IQANK1: variants seen among roughly 807,000 people sequenced by gnomAD.
IQANK1 encodes IQ motif and ankyrin repeat containing 1, also known as IQ motif and ankyrin repeat domain-containing protein 1.
In IQANK1, 30 loss-of-function variants were observed where a neutral mutation model predicts 22.6. The ratio of observed to expected loss-of-function variants is 1.33; its 90% CI spans 0.99 to 1.80. The LOEUF is 1.80. Ranked by LOEUF, IQANK1 falls within the 40% of genes most tolerant of loss-of-function variation. IQANK1 has a pLI of 0.00. For synonymous variants in IQANK1, 122 were observed against 99.6 expected (o/e 1.23, Z -1.34); for missense variants, 275 against 235.2 (o/e 1.17, Z -1.11).
In IQANK1 at chr8:143,735,628, A is replaced by T. The variant is rs533604183; in HGVS notation, c.-4-222A>T. ...GGCAAGCCACGGCCAGGGGGACGGG[A>T]GGTGGCCAAGTGCTCTTGCCAGGCA... On this transcript the variant is annotated intron_variant, in intron 1 of 13. Transcript: ENST00000527139. The surrounding 1 kb of genome is among the most constrained non-coding windows in gnomAD (Gnocchi z 5.2). 2.0e-5 allele frequency among the ~76,000 whole-genome samples: 3 copies of T among 152,142 alleles called. No homozygotes were observed. The highest frequency in any genetic ancestry group is 4.4e-5 in the Non-Finnish European group (3 of 67,978).
At chr8:143,742,389 G>GAGCCTTTCCC (rs1554626664) in intron 3 of IQANK1, 5 of 456,000 alleles carry the variant, frequency 1.1e-5, no homozygotes, top group South Asian at 7.7e-5. Flanking sequence ...GTTGGTGTGG[G>GAGCCTTTCCC]AGCCTTTCCC....
intron 7 of IQANK1, among the ~76,000 whole-genome samples, chr8:143,784,274 G>T (rs1819847686): frequency 6.6e-6 from 1 of 152,058 alleles, no homozygotes; most frequent in African/African-American, 2.4e-5. Flanking sequence ...ATTTCCCCAT[G>T]GTCTTCTCAC....
intron 3 of IQANK1, 26 bp downstream of exon 3, chr8:143,739,974 C>A: frequency 1.5e-6 from 1 of 679,538 alleles, no homozygotes; most frequent in Non-Finnish European, 2.7e-6. Context: ...TCCCGCGCCG[C>A]TGTGGGTGAC....
chr8:143,735,748 C>A lies in IQANK1; in HGVS notation c.-4-102C>A, dbSNP rs548771520. Reference sequence around the variant, plus strand: ...GGGGAGCCCATGTTCCTGCTGTCATCCACTCAGGCGCCCATGGTGTGCCCT... The same window carrying A: ...GGGGAGCCCATGTTCCTGCTGTCATACACTCAGGCGCCCATGGTGTGCCCT... On this transcript the variant is annotated intron_variant, in intron 1 of 13. Coordinates refer to ENST00000527139, the MANE Select transcript of IQANK1 (RefSeq NM_001381874.1). This position sits in a 1 kb window ranked among gnomAD's most constrained non-coding sequence, Gnocchi z 5.2. 3.0e-6 allele frequency: 2 copies of A among 658,604 alleles called. No homozygotes were observed. Among genetic ancestry groups the A allele is most frequent in the African/African-American group, 1.8e-5 (1 of 56,536 alleles). 40.8% of individuals were successfully genotyped at this position (658,604 alleles called of 1,614,324 possible).
chr8:143,783,767 G>A (rs1307717143), intron 7 of IQANK1, among the ~76,000 whole-genome samples: 4 of 152,178 alleles, frequency 2.6e-5, no homozygotes, highest in Non-Finnish European at 5.9e-5. Flanking sequence ...GCAAGGTCAT[G>A]TTCAAGCTTG....
At chr8:143,754,109 G>C (rs140660492) in intron 3 of IQANK1, among the ~76,000 whole-genome samples, 393 of 152,130 alleles carry the variant, frequency 2.6e-3, no homozygotes, top group Non-Finnish European at 4.6e-3. Flanking sequence ...CTCCTAAGAA[G>C]AGAAAAAGAG....
intron 3 of IQANK1, among the ~76,000 whole-genome samples, chr8:143,764,627 G>GA (rs1447337509): frequency 8.6e-5 from 13 of 151,762 alleles, no homozygotes; most frequent in Admixed American, 2.6e-4. Flanking sequence ...AAACAAAACT[G>GA]AAAAAAGAAA....
chr8:143,755,234 G>T (rs184100575), intron 3 of IQANK1, among the ~76,000 whole-genome samples: 1 of 152,148 alleles, frequency 6.6e-6, no homozygotes, highest in Admixed American at 6.5e-5. Flanking sequence ...ATTCTATCAC[G>T]CCAGCTCCTC....
At chr8:143,755,319 G>C (rs541431978) in intron 3 of IQANK1, among the ~76,000 whole-genome samples, 1 of 152,088 alleles carries the variant, frequency 6.6e-6, no homozygotes, top group African/African-American at 2.4e-5. Context: ...TCCTTAGTCC[G>C]CATCAATGTT....
rs1554631811 is a variant in IQANK1, at chr8:143,789,174, A to T, written c.939-15A>T. 1 of 399,748 alleles carries T rather than the reference A, an allele frequency of 2.5e-6. No individual in the cohort carries two copies. The highest frequency in any genetic ancestry group is 3.6e-5 in the East Asian group (1 of 28,102). The allele number at this position is 399,748 out of a possible 1,614,324, so 24.8% of individuals were successfully genotyped here. On this transcript the variant is annotated splice_polypyrimidine_tract_variant and intron_variant, in intron 8 of 13. Coordinates refer to ENST00000527139, the MANE Select transcript of IQANK1 (RefSeq NM_001381874.1). ...CTGGCGGAAGCCTCTGTCCCAGCTC[A>T]TTCCTGCTCCTTAGTATGACCCTCA...
intron 3 of IQANK1, among the ~76,000 whole-genome samples, chr8:143,768,302 C>T (rs987669231): frequency 9.9e-5 from 15 of 152,046 alleles, no homozygotes; most frequent in African/African-American, 3.4e-4. Context: ...ACGTTGCCCT[C>T]GATCACTTAG....
intron 3 of IQANK1, among the ~76,000 whole-genome samples, chr8:143,756,791 C>T (rs1819300259): frequency 6.7e-6 from 1 of 148,904 alleles, no homozygotes; most frequent in South Asian, 2.1e-4. Flanking sequence ...CACAGTGAAA[C>T]AGTGTCTCTA....
intron 3 of IQANK1, among the ~76,000 whole-genome samples, chr8:143,766,255 C>A (rs537982713): frequency 6.6e-6 from 1 of 152,130 alleles, no homozygotes; most frequent in Admixed American, 6.5e-5. Context: ...TTTTTTCTTA[C>A]GGCTTTGTAG....
At chr8:143,752,996 G>GGTTTTTTT (rs368071885) in intron 3 of IQANK1, among the ~76,000 whole-genome samples, 2 of 69,938 alleles carry the variant, frequency 2.9e-5, no homozygotes, top group African/African-American at 1.2e-4. Context: ...CTCTCTGTTC[G>GGTTTTTTT]TTTTTTTTTT....
rs550028607 is a variant in IQANK1, at chr8:143,785,339, C to T, written c.790-3576C>T. On this transcript the variant is annotated intron_variant, in intron 7 of 13. Transcript: ENST00000527139. ...TGGCATGATCTCAGCTCACTGCAAC[C>T]TCTGCCTCCCAGGTTCAAGCGATTC... Among the ~76,000 whole-genome samples, 5 of 148,970 alleles carry T rather than the reference C, an allele frequency of 3.4e-5. No individual in the cohort carries two copies. The Admixed American group carries it at 3.4e-4, about 10-fold the overall frequency.
rs1415958797 is a variant in IQANK1, at chr8:143,735,929, G to A, written c.76G>A (p.Ala26Thr). ...GCTCCACCCTGGGCCCAAGACAAGA[G>A]CTGCTGCTGGTAAGTGCACCCTCTG... ...QTLHPGPKTR[A>T]AAGKPGENRP... Residue 26 changes from alanine to threonine, a missense_variant, in exon 2 of 14, where the codon GCT becomes ACT. Physicochemically the swap from Ala to Thr is moderately conservative, Grantham distance 58. Coordinates refer to ENST00000527139, the MANE Select transcript of IQANK1 (RefSeq NM_001381874.1). The surrounding 1 kb of genome is among the most constrained non-coding windows in gnomAD (Gnocchi z 5.2). The A allele has an allele frequency of 5.7e-6, 4 of 702,578 alleles. No homozygotes were observed. The African/African-American group carries it at 7.0e-5, about 12-fold the overall frequency. 43.5% of individuals were successfully genotyped at this position (702,578 alleles called of 1,614,324 possible).
chr8:143,741,317 C>T (rs1298992344), intron 3 of IQANK1, among the ~76,000 whole-genome samples: 1 of 152,168 alleles, frequency 6.6e-6, no homozygotes, highest in Non-Finnish European at 1.5e-5. Flanking sequence ...TCGAGGGAAA[C>T]TCAAACTGCA....
intron 2 of IQANK1, among the ~76,000 whole-genome samples, chr8:143,738,868 A>G (rs1230833365): frequency 6.6e-6 from 1 of 152,156 alleles, no homozygotes; most frequent in African/African-American, 2.4e-5. Flanking sequence ...CAGCCCATGC[A>G]CTCTGGAGGG....
Position 143,789,535 on chromosome 8 carries a change from G to T in IQANK1, c.1086+7G>T. The T allele has an allele frequency of 8.1e-7, 1 of 1,232,166 alleles. No homozygotes were observed. The highest frequency in any genetic ancestry group is 1.0e-6 in the Non-Finnish European group (1 of 988,106). The allele number at this position is 1,232,166 out of a possible 1,614,324, so 76.3% of individuals were successfully genotyped here. A position where few individuals can be genotyped will look rare whatever the true frequency, so the allele number is the denominator to read the frequency against. ...GACCAAGCTCACGCTGCAGGTGGGG[G>T]CCCGTGGTGGACTTGATATGCCCCT... On this transcript the variant is annotated splice_region_variant and intron_variant, in intron 10 of 13. Coordinates refer to ENST00000527139, the MANE Select transcript of IQANK1 (RefSeq NM_001381874.1).
Sources: gnomAD v4.1 joint callset for allele counts (sites outside exome capture counted in the v4.1 genomes callset) on GRCh38, gnomAD v4.1.1 for gene constraint, Gnocchi (gnomAD v3.1) non-coding constraint, MANE v1.5 for transcripts, NCBI Gene and HGNC (gene_info 2026-07-23, HGNC 2026-07-21) for gene names.